CFAP221: variants seen among roughly 807,000 people sequenced by gnomAD.
CFAP221 encodes the protein cilia and flagella associated protein 221.
Under a neutral mutation model 113.1 loss-of-function variants are expected in CFAP221, and 97 were observed. That is an observed-to-expected ratio of 0.86 (90% confidence interval 0.73 to 1.02). The LOEUF (loss-of-function observed/expected upper bound fraction) is 1.02, where lower values mean the gene tolerates loss of function less well. Among genes scored for constraint, CFAP221 ranks in the 50% least tolerant of loss-of-function variants. CFAP221 has a pLI of 0.00. For missense variants in CFAP221, 1,025 were observed against 1,013.4 expected, an observed-to-expected ratio of 1.01 and a Z score of -0.16; for synonymous variants, 331 against 354.4, an observed-to-expected ratio of 0.93 and a Z score of 0.74.
chr2:119,578,377 C>T lies in CFAP221; in HGVS notation c.528-8742C>T, dbSNP rs573737584. Among the ~76,000 whole-genome samples, 5 of 152,302 alleles carry T rather than the reference C, an allele frequency of 3.3e-5. 1 individual carries two copies. In the East Asian group the frequency reaches 5.8e-4, roughly 18 times the overall value. On this transcript the variant is annotated intron_variant, in intron 6 of 23. Transcript: ENST00000413369. ...GGTAACCCCAAAGCTTGCCCAGGCT[C>T]GGATTATTTCCTGAGTCTTCTGTAC...
At chr2:119,610,052 A>G (rs1685043366) in intron 12 of CFAP221, among the ~76,000 whole-genome samples, 2 of 152,240 alleles carry the variant, frequency 1.3e-5, no homozygotes, top group African/African-American at 2.4e-5. Context: ...CAAAACATCA[A>G]GTATTGTCTG....
At position 119,604,747 on chromosome 2, in the gene CFAP221, A is replaced by C; in HGVS notation, c.867A>C (p.Ile289=). 2.6e-6 allele frequency: 4 copies of C among 1,549,010 alleles called. No individual in the cohort carries two copies. Among genetic ancestry groups the C allele is most frequent in the Non-Finnish European group, 3.5e-6 (4 of 1,152,386 alleles). ...CTCCAGAAAAAGCAATGATGCATAT[A>C]AATTTTCACCGACCGCCAGCGAAGC... ...NVPPEKAMMH[I]NFHRPPAKPK... is the part of the protein sequence containing the mutation. Residue 289 remains isoleucine (I), a synonymous_variant, in exon 9 of 24, where the codon ATA becomes ATC. Coordinates refer to ENST00000413369, the MANE Select transcript of CFAP221 (RefSeq NM_001271049.2).
At chr2:119,627,822 A>G (rs748901633) in intron 16 of CFAP221, 36 bp downstream of exon 16, 24 of 1,609,968 alleles carry the variant, frequency 1.5e-5, no homozygotes, top group East Asian at 2.2e-5. Flanking sequence ...GGGAGTGGAC[A>G]TGATCATGAT....
intron 7 of CFAP221, among the ~76,000 whole-genome samples, chr2:119,600,596 C>T (rs565809598): frequency 6.6e-6 from 1 of 152,314 alleles, no homozygotes; most frequent in African/African-American, 2.4e-5. Flanking sequence ...AGTTGATTCA[C>T]ATGTATTTAA....
At chr2:119,595,881 G>A (rs566999606) in intron 7 of CFAP221, among the ~76,000 whole-genome samples, 2 of 152,066 alleles carry the variant, frequency 1.3e-5, no homozygotes, top group South Asian at 2.1e-4. Flanking sequence ...TTGGGAAGAG[G>A]GTTTCAAGCA....
chr2:119,644,339 G>C (rs971766799), intron 21 of CFAP221, among the ~76,000 whole-genome samples: 2 of 152,136 alleles, frequency 1.3e-5, no homozygotes, highest in African/African-American at 2.4e-5. Flanking sequence ...AAAAGCTCTT[G>C]GTTGCTGCCA....
intron 10 of CFAP221, 27 bp from the exon 11 acceptor site, chr2:119,605,154 A>G: frequency 1.3e-6 from 2 of 1,580,026 alleles, no homozygotes; most frequent in Non-Finnish European, 1.7e-6. Context: ...GATTACTGGT[A>G]TAAACATTGT....
Position 119,644,198 on chromosome 2 carries a change from A to G in CFAP221, c.2226-2760A>G, listed in dbSNP as rs1001417358. Reference sequence around the variant, plus strand: ...TTAAAAAATAAATAAAAGCAAAACAAATTTTAAAAATGCCCAACCACCATC... The same window carrying G: ...TTAAAAAATAAATAAAAGCAAAACAGATTTTAAAAATGCCCAACCACCATC... On this transcript the variant is annotated intron_variant, in intron 21 of 23. Coordinates refer to ENST00000413369, the MANE Select transcript of CFAP221 (RefSeq NM_001271049.2). 1.7e-4 allele frequency among the ~76,000 whole-genome samples: 26 copies of G among 152,144 alleles called. 3 individuals carry two copies. Among genetic ancestry groups the G allele is most frequent in the Admixed American group, 1.4e-3 (21 of 15,272 alleles).
intron 21 of CFAP221, among the ~76,000 whole-genome samples, chr2:119,645,130 G>GTCTC (rs375788106): frequency 1.4e-5 from 2 of 147,456 alleles, no homozygotes; most frequent in African/African-American, 2.5e-5. Context: ...GTCTCTGTCT[G>GTCTC]TCTCTCTCTC....
chr2:119,613,438 TC>T (rs1685314612), intron 13 of CFAP221, among the ~76,000 whole-genome samples: 1 of 152,232 alleles, frequency 6.6e-6, no homozygotes, highest in Non-Finnish European at 1.5e-5. Context: ...TGCCTGCACA[TC>T]CAGGTGTTTC....
At chr2:119,608,635 T>G (rs1684944040) in intron 12 of CFAP221, 46 bp downstream of exon 12, 1 of 1,511,364 alleles carries the variant, frequency 6.6e-7, no homozygotes, top group African/African-American at 1.4e-5. Context: ...GCTAGATGTT[T>G]TTAAATTCCT....
At chr2:119,627,872 A>G (rs976476793) in intron 16 of CFAP221, 86 bp downstream of exon 16, 20 of 1,534,732 alleles carry the variant, frequency 1.3e-5, no homozygotes, top group Non-Finnish European at 1.7e-5. Flanking sequence ...CCTCAGTCTC[A>G]GTCCCTTCAC....
chr2:119,554,632 T>C (rs1275392744), intron 3 of CFAP221, among the ~76,000 whole-genome samples: 2 of 152,212 alleles, frequency 1.3e-5, no homozygotes, highest in African/African-American at 2.4e-5. Flanking sequence ...AGATCTTGCA[T>C]CTCAAAATCA....
intron 7 of CFAP221, among the ~76,000 whole-genome samples, chr2:119,590,802 C>T (rs1683545594): frequency 6.6e-6 from 1 of 152,100 alleles, no homozygotes; most frequent in Non-Finnish European, 1.5e-5. Context: ...GGGGAGGTTT[C>T]CCCTACTTCT....
At chr2:119,565,866 T>C (rs1681587044) in intron 6 of CFAP221, among the ~76,000 whole-genome samples, 1 of 152,194 alleles carries the variant, frequency 6.6e-6, no homozygotes, top group Admixed American at 6.5e-5. Flanking sequence ...CTAAAGTGTT[T>C]TCTATTAATC....
intron 6 of CFAP221, among the ~76,000 whole-genome samples, chr2:119,583,973 C>G (rs1441830691): frequency 2.6e-5 from 4 of 152,178 alleles, no homozygotes; most frequent in African/African-American, 9.7e-5. Flanking sequence ...ATAAGCCACC[C>G]AGTCTGTGGT....
chr2:119,628,411 A>G (rs1052793107), intron 16 of CFAP221, among the ~76,000 whole-genome samples: 6 of 151,996 alleles, frequency 3.9e-5, no homozygotes, highest in Non-Finnish European at 1.5e-5. Context: ...CATTATTGAA[A>G]AAGTGAGAGT....
At chr2:119,583,046 A>G (rs1191532033) in intron 6 of CFAP221, among the ~76,000 whole-genome samples, 1 of 152,200 alleles carries the variant, frequency 6.6e-6, no homozygotes, top group Non-Finnish European at 1.5e-5. Flanking sequence ...ATCCAGCTAT[A>G]TCCTGCTTTC....
chr2:119,572,592 G>A, intron 6 of CFAP221: 1 of 700,238 alleles, frequency 1.4e-6, no homozygotes, highest in Non-Finnish European at 2.6e-6. Context: ...CTTGGAGCAG[G>A]TCCAGTTGGT....
Sources: gnomAD v4.1 joint callset for allele counts (sites outside exome capture counted in the v4.1 genomes callset) on GRCh38, gnomAD v4.1.1 for gene constraint, MANE v1.5 for transcripts, NCBI Gene and HGNC (gene_info 2026-07-23, HGNC 2026-07-21) for gene names.